Variants in PDE7A observed in about 807,000 individuals in gnomAD.
The protein encoded by PDE7A is phosphodiesterase 7A, also known as high affinity 3',5'-cyclic-AMP phosphodiesterase 7A.
PDE7A carries 39 observed loss-of-function variants against 64.3 expected under a neutral mutation model. The ratio of observed to expected loss-of-function variants is 0.61; its 90% CI spans 0.47 to 0.79. PDE7A has a LOEUF of 0.79. PDE7A is among the 30% of genes least tolerant of loss of function. The pLI, the probability that PDE7A is intolerant of heterozygous loss-of-function variation, is 0.00. For synonymous variants in PDE7A, 203 were observed against 206.8 expected (o/e 0.98, Z 0.16); for missense variants, 470 against 582.8 (o/e 0.81, Z 1.99).
At chr8:65,840,185 TTATAG>T (rs1811046096) in intron 1 of PDE7A, among the ~76,000 whole-genome samples, 1 of 152,206 alleles carries the variant, frequency 6.6e-6, no homozygotes, top group African/African-American at 2.4e-5. Context: ...AAATGACACA[TTATAG>T]TAATTTTCAC....
rs1036380516 is a variant in PDE7A at position 65,736,408 on chromosome 8, G to A, written c.596-1514C>T. ...AGAAAGCAAAACCAGAGATAAAGGC[G>A]GACTACTGTACAGTATTTCAGGCAT... On this transcript the variant is annotated intron_variant, in intron 6 of 12. Coordinates refer to ENST00000401827, the MANE Select transcript of PDE7A (RefSeq NM_001242318.3). Among the ~76,000 whole-genome samples the A allele has an allele frequency of 4.6e-5, 7 of 152,094 alleles. No individual in the cohort carries two copies. In the East Asian group the frequency reaches 5.8e-4, roughly 13 times the overall value.
chr8:65,761,686 G>A (rs1585887345), intron 3 of PDE7A, among the ~76,000 whole-genome samples: 1 of 152,316 alleles, frequency 6.6e-6, no homozygotes, highest in South Asian at 2.1e-4. Context: ...AATGAACACT[G>A]TGACTTAGTG....
chr8:65,745,355 A>T, intron 5 of PDE7A, 52 bp downstream of exon 5: 1 of 1,000,720 alleles, frequency 1.0e-6, no homozygotes, highest in Non-Finnish European at 1.6e-6. Flanking sequence ...CTGCACCATC[A>T]ATGCAGTAAT....
At chr8:65,766,923 T>A (rs1342020527) in intron 3 of PDE7A, among the ~76,000 whole-genome samples, 1 of 152,092 alleles carries the variant, frequency 6.6e-6, no homozygotes, top group Non-Finnish European at 1.5e-5. Context: ...TTGAGGAAGT[T>A]TCTCAATGGG....
At chr8:65,818,150 A>G (rs1326726673) in intron 1 of PDE7A, among the ~76,000 whole-genome samples, 1 of 152,088 alleles carries the variant, frequency 6.6e-6, no homozygotes, top group Non-Finnish European at 1.5e-5. Context: ...TTCTTTTCAC[A>G]TATTTATAGT....
intron 1 of PDE7A, among the ~76,000 whole-genome samples, chr8:65,815,147 ATAATGTATTCACAG>A (rs1810366756): frequency 6.6e-6 from 1 of 152,202 alleles, no homozygotes; most frequent in Non-Finnish European, 1.5e-5. Context: ...GACAATATTT[ATAATGTATTCACAG>A]TAATGGTGAT....
intron 7 of PDE7A, among the ~76,000 whole-genome samples, chr8:65,729,788 C>T (rs550834584): frequency 1.3e-4 from 19 of 151,522 alleles, no homozygotes; most frequent in Non-Finnish European, 2.1e-4. Flanking sequence ...AGGCTGGTCT[C>T]GAATTCCTAA....
chr8:65,755,092 C>T (rs1808162587), intron 3 of PDE7A, among the ~76,000 whole-genome samples: 1 of 146,370 alleles, frequency 6.8e-6, no homozygotes, highest in Non-Finnish European at 1.5e-5. Context: ...GTGGTTTCGG[C>T]TCACTGTAAC....
At chr8:65,769,289 A>AT (rs1346394631) in intron 3 of PDE7A, among the ~76,000 whole-genome samples, 1 of 150,266 alleles carries the variant, frequency 6.7e-6, no homozygotes, top group Non-Finnish European at 1.5e-5. Flanking sequence ...GCATGCACAT[A>AT]TTTTTTTTAA....
chr8:65,740,960 G>A (rs577349672), intron 5 of PDE7A, among the ~76,000 whole-genome samples: 42 of 152,220 alleles, frequency 2.8e-4, no homozygotes, highest in East Asian at 7.7e-4. Flanking sequence ...GCTGCTACAC[G>A]CAATGGGGAC....
chr8:65,763,316 A>G (rs531885706), intron 3 of PDE7A, among the ~76,000 whole-genome samples: 12 of 152,324 alleles, frequency 7.9e-5, no homozygotes, highest in African/African-American at 2.2e-4. Flanking sequence ...TGTTAATCCC[A>G]GCACTTTGGG....
chr8:65,807,814 T>C (rs1200065040), intron 1 of PDE7A, among the ~76,000 whole-genome samples: 3 of 152,320 alleles, frequency 2.0e-5, no homozygotes, highest in East Asian at 1.9e-4. Context: ...TACTGACATG[T>C]TGTATTACAT....
At chr8:65,762,934 C>A (rs1238489447) in intron 3 of PDE7A, among the ~76,000 whole-genome samples, 1 of 150,476 alleles carries the variant, frequency 6.6e-6, no homozygotes, top group Non-Finnish European at 1.5e-5. Context: ...CCCAGGAGTT[C>A]GAGACCAGCC....
intron 7 of PDE7A, among the ~76,000 whole-genome samples, chr8:65,731,008 C>A (rs1280107248): frequency 6.6e-6 from 1 of 152,158 alleles, no homozygotes; most frequent in Non-Finnish European, 1.5e-5. Flanking sequence ...TATACAATAT[C>A]ATTCATTAAC....
intron 3 of PDE7A, chr8:65,771,060 CA>C (rs1318716450): frequency 2.7e-6 from 1 of 370,256 alleles, no homozygotes; most frequent in Admixed American, 3.3e-5. Context: ...CAATCCAAAC[CA>C]CAATAATTCA....
intron 1 of PDE7A, among the ~76,000 whole-genome samples, chr8:65,807,359 T>C (rs1238664759): frequency 6.6e-6 from 1 of 152,250 alleles, no homozygotes; most frequent in Admixed American, 6.5e-5. Flanking sequence ...GAAATACAAG[T>C]GATTTCTGTA....
chr8:65,840,397 T>G (rs1044093031), intron 1 of PDE7A, among the ~76,000 whole-genome samples: 1 of 118,844 alleles, frequency 8.4e-6, no homozygotes, highest in East Asian at 2.1e-4. Flanking sequence ...CCACACTACC[T>G]GCACACACAC....
chr8:65,760,778 T>C (rs932980473), intron 3 of PDE7A, among the ~76,000 whole-genome samples: 3 of 152,122 alleles, frequency 2.0e-5, no homozygotes, highest in African/African-American at 7.2e-5. Flanking sequence ...ACTCCTATTA[T>C]GGGGAAAGGA....
chr8:65,799,063 T>C (rs989888029), intron 1 of PDE7A, among the ~76,000 whole-genome samples: 41 of 152,070 alleles, frequency 2.7e-4, no homozygotes, highest in African/African-American at 9.7e-4. Flanking sequence ...GTGATAGAAG[T>C]CAGATCAGTG....
Sources: allele counts gnomAD v4.1 joint callset (sites outside exome capture counted in the v4.1 genomes callset), GRCh38; gene constraint gnomAD v4.1.1; transcripts MANE v1.5; gene names NCBI Gene and HGNC (gene_info 2026-07-23, HGNC 2026-07-21).